Variants in PCDH15 observed in about 807,000 individuals in gnomAD.
The protein encoded by PCDH15 is protocadherin related 15, also known as protocadherin-15.
In PCDH15, 129 loss-of-function variants were observed where a neutral mutation model predicts 178.5. The ratio of observed to expected loss-of-function variants is 0.72; its 90% CI spans 0.63 to 0.84. The LOEUF (loss-of-function observed/expected upper bound fraction) is 0.84, where lower values mean the gene tolerates loss of function less well. Ranked by LOEUF, PCDH15 falls within the 40% of genes least tolerant of loss-of-function variation. PCDH15 has a pLI of 0.00. For missense variants in PCDH15, 2,230 were observed against 2,099.9 expected, an observed-to-expected ratio of 1.06 and a Z score of -1.21; for synonymous variants, 800 against 732.0, an observed-to-expected ratio of 1.09 and a Z score of -1.50.
At chr10:55,515,811 G>A (rs1055620410) in intron 2 of PCDH15, among the ~76,000 whole-genome samples, 24 of 152,064 alleles carry the variant, frequency 1.6e-4, no homozygotes, top group African/African-American at 5.8e-4. Flanking sequence ...TAATCCACAT[G>A]ATTGTTTACA....
At chr10:54,844,363 A>G (rs556191233) in intron 3 of PCDH15, among the ~76,000 whole-genome samples, 2 of 152,192 alleles carry the variant, frequency 1.3e-5, no homozygotes, top group African/African-American at 4.8e-5. Context: ...TTACCTTGTT[A>G]ACTGGAGCCC....
chr10:55,171,475 C>G (rs1227641455), intron 1 of PCDH15, among the ~76,000 whole-genome samples: 1 of 151,938 alleles, frequency 6.6e-6, no homozygotes, highest in African/African-American at 2.4e-5. Context: ...CTTCATTCAG[C>G]TTAATGAAAT....
chr10:54,266,124 G>T (rs1224160165), intron 8 of PCDH15, among the ~76,000 whole-genome samples: 1 of 147,824 alleles, frequency 6.8e-6, no homozygotes, highest in East Asian at 1.9e-4. Context: ...AATAGCAAGA[G>T]GAACTCTAAA....
intron 4 of PCDH15, among the ~76,000 whole-genome samples, chr10:54,371,334 T>C (rs925438744): frequency 2.6e-5 from 4 of 151,852 alleles, no homozygotes; most frequent in African/African-American, 9.7e-5. Context: ...ACTGGAACAC[T>C]AATGCATACT....
chr10:54,065,559 T>C (rs1305471480), intron 18 of PCDH15, among the ~76,000 whole-genome samples: 1 of 152,152 alleles, frequency 6.6e-6, no homozygotes, highest in Admixed American at 6.6e-5. Context: ...TGTTGGCCAG[T>C]TGGTATCAAG....
Position 54,164,017 on chromosome 10 carries a change from C to T in PCDH15, c.1591-10724G>A, listed in dbSNP as rs141260655. Among the ~76,000 whole-genome samples the T allele has an allele frequency of 8.0e-3, 1,215 of 152,146 alleles. 7 individuals are homozygous for T. Among genetic ancestry groups the T allele is most frequent in the Middle Eastern group, 0.014 (4 of 294 alleles). On this transcript the variant is annotated intron_variant, in intron 13 of 37. Transcript: ENST00000644397. ...AACATCTTCTTCATGGTACCTTTGG[C>T]GAAGTTTGGACAGACTAAGAATCAA...
intron 2 of PCDH15, among the ~76,000 whole-genome samples, chr10:55,050,218 GTCCTGGGTTTGATTCTCAGT>G (rs1231592488): frequency 7.6e-6 from 1 of 131,268 alleles, no homozygotes; most frequent in Non-Finnish European, 1.6e-5. Flanking sequence ...AGGGTTAGAA[GTCCTGGGTTTGATTCTCAGT>G]TTAGCCACTT....
At chr10:55,558,415 T>C (rs914444559) in intron 2 of PCDH15, among the ~76,000 whole-genome samples, 8 of 152,156 alleles carry the variant, frequency 5.3e-5, no homozygotes, top group African/African-American at 1.7e-4. Context: ...CTACAACTTC[T>C]ATCTAAGACC....
intron 3 of PCDH15, among the ~76,000 whole-genome samples, chr10:54,420,788 G>A (rs1955164216): frequency 6.6e-6 from 1 of 151,984 alleles, no homozygotes; most frequent in Non-Finnish European, 1.5e-5. Context: ...TAGTTGATTG[G>A]ATTTGCTGAC....
intron 8 of PCDH15, among the ~76,000 whole-genome samples, chr10:54,291,471 T>C (rs1196891503): frequency 6.6e-6 from 1 of 151,974 alleles, no homozygotes; most frequent in Non-Finnish European, 1.5e-5. Flanking sequence ...ATAAGTAATA[T>C]CAGAGCAGAA....
chr10:55,487,412 G>C (rs144299295), intron 2 of PCDH15, among the ~76,000 whole-genome samples: 3 of 151,348 alleles, frequency 2.0e-5, no homozygotes, highest in African/African-American at 7.3e-5. Flanking sequence ...TAAAACTCTC[G>C]CACATCCATT....
At chr10:53,821,493 G>A (rs767299857) in intron 32 of PCDH15, 22 of 1,019,718 alleles carry the variant, frequency 2.2e-5, no homozygotes, top group South Asian at 3.8e-5. Context: ...ATAAAACTAC[G>A]ATCAAAAACT....
At chr10:55,111,343 T>C (rs961599607) in intron 2 of PCDH15, among the ~76,000 whole-genome samples, 2 of 152,184 alleles carry the variant, frequency 1.3e-5, no homozygotes, top group African/African-American at 4.8e-5. Flanking sequence ...TGAAGATAGA[T>C]TTCTTTTAAT....
At chr10:53,864,384 C>A (rs1231246038) in intron 27 of PCDH15, among the ~76,000 whole-genome samples, 1 of 152,122 alleles carries the variant, frequency 6.6e-6, no homozygotes, top group African/African-American at 2.4e-5. Flanking sequence ...ACCTGAGTAA[C>A]AAAGGATCAA....
intron 1 of PCDH15, among the ~76,000 whole-genome samples, chr10:54,680,391 A>G (rs2094877021): frequency 6.6e-6 from 1 of 152,164 alleles, no homozygotes; most frequent in African/African-American, 2.4e-5. Context: ...TATAATGATC[A>G]GGCATATTTT....
chr10:54,866,867 C>G (rs934500698), intron 3 of PCDH15, among the ~76,000 whole-genome samples: 1 of 152,116 alleles, frequency 6.6e-6, no homozygotes, highest in Non-Finnish European at 1.5e-5. Context: ...GAAAAACATT[C>G]TTTGCTGTCA....
chr10:54,360,722 C>T (rs1325058035), intron 5 of PCDH15, among the ~76,000 whole-genome samples: 3 of 152,070 alleles, frequency 2.0e-5, no homozygotes, highest in Non-Finnish European at 4.4e-5. Flanking sequence ...TCATTCTATT[C>T]TTCATCCTAT....
chr10:55,051,314 A>G (rs920428788), intron 2 of PCDH15, among the ~76,000 whole-genome samples: 1 of 152,176 alleles, frequency 6.6e-6, no homozygotes, highest in East Asian at 1.9e-4. Context: ...TCTCTAATGT[A>G]GAAGCATTTA....
intron 3 of PCDH15, among the ~76,000 whole-genome samples, chr10:54,850,145 C>T (rs191099892): frequency 1.1e-4 from 16 of 151,996 alleles, no homozygotes; most frequent in African/African-American, 2.7e-4. Flanking sequence ...TGGCATAAAA[C>T]GATTTTTAGT....
Sources: allele counts gnomAD v4.1 joint callset (sites outside exome capture counted in the v4.1 genomes callset), GRCh38; gene constraint gnomAD v4.1.1; transcripts MANE v1.5; gene names NCBI Gene and HGNC (gene_info 2026-07-23, HGNC 2026-07-21).